The following THEMIS variants were observed in gnomAD, a reference collection of about 807,000 sequenced individuals.
The protein encoded by THEMIS is protein THEMIS.
A neutral mutation model predicts 52.6 loss-of-function variants in THEMIS; 37 were observed. The observed-to-expected ratio is 0.70, with a 90% CI of 0.54 to 0.93. The LOEUF is 0.93. Ranked by LOEUF, THEMIS falls within the 40% of genes least tolerant of loss-of-function variation. The pLI is 0.00. For missense variants in THEMIS, 808 were observed against 763.1 expected (o/e 1.06, Z -0.69); for synonymous variants, 292 against 272.7 (o/e 1.07, Z -0.70).
At chr6:127,758,595 CTT>C (rs1383388355) in intron 4 of THEMIS, among the ~76,000 whole-genome samples, 19 of 151,522 alleles carry the variant, frequency 1.3e-4, no homozygotes, top group African/African-American at 4.6e-4. Context: ...AAAAAAGTGA[CTT>C]AATGTAAGCT....
At chr6:127,897,455 T>G (rs1562328120) in intron 1 of THEMIS, among the ~76,000 whole-genome samples, 2 of 151,282 alleles carry the variant, frequency 1.3e-5, no homozygotes, top group Non-Finnish European at 3.0e-5. Context: ...AACAAAAATG[T>G]ATAAAATTCA....
At chr6:127,847,371 A>G (rs1468781652) in intron 2 of THEMIS, among the ~76,000 whole-genome samples, 1 of 151,996 alleles carries the variant, frequency 6.6e-6, no homozygotes, top group East Asian at 1.9e-4. Flanking sequence ...ATATCATCGT[A>G]CATCTAGAAA....
At chr6:127,768,146 G>C (rs968212310) in intron 4 of THEMIS, among the ~76,000 whole-genome samples, 13 of 152,264 alleles carry the variant, frequency 8.5e-5, no homozygotes, top group Non-Finnish European at 1.8e-4. Context: ...ATTTACATCT[G>C]AGGCTAGATA....
intron 1 of THEMIS, among the ~76,000 whole-genome samples, chr6:127,878,976 C>A (rs1333766): frequency 0.014 from 2,109 of 152,148 alleles, 48 homozygotes; most frequent in African/African-American, 0.047. Context: ...AGAGAAATTT[C>A]TTAACAGCAG....
chr6:127,774,275 C>T (rs906152980), intron 4 of THEMIS, among the ~76,000 whole-genome samples: 2 of 152,176 alleles, frequency 1.3e-5, no homozygotes, highest in Non-Finnish European at 2.9e-5. Context: ...GCGCCATCTC[C>T]GCTCACTGCA....
At chr6:127,856,717 T>G (rs1182907965) in intron 1 of THEMIS, among the ~76,000 whole-genome samples, 3 of 152,012 alleles carry the variant, frequency 2.0e-5, no homozygotes, top group African/African-American at 7.2e-5. Context: ...TCTCATACTA[T>G]TCCCTTAACT....
chr6:127,744,924 T>C (rs1192496904), intron 4 of THEMIS, among the ~76,000 whole-genome samples: 1 of 151,938 alleles, frequency 6.6e-6, no homozygotes, highest in African/African-American at 2.4e-5. Flanking sequence ...TTGATTGAGA[T>C]ATAATTGTAA....
At chr6:127,913,412 T>G (rs1001020602) in intron 1 of THEMIS, among the ~76,000 whole-genome samples, 1 of 152,208 alleles carries the variant, frequency 6.6e-6, no homozygotes, top group African/African-American at 2.4e-5. Context: ...TGGGTCTACT[T>G]TGATTGGATG....
intron 1 of THEMIS, among the ~76,000 whole-genome samples, chr6:127,873,405 CA>C (rs1780214733): frequency 6.6e-6 from 1 of 152,102 alleles, no homozygotes; most frequent in Non-Finnish European, 1.5e-5. Context: ...TATTTAACTA[CA>C]GTAATCAGAA....
intron 4 of THEMIS, among the ~76,000 whole-genome samples, chr6:127,771,564 A>G (rs1193935219): frequency 1.3e-5 from 2 of 152,170 alleles, no homozygotes; most frequent in African/African-American, 4.8e-5. Context: ...ACCAAAACAG[A>G]TATATAGACC....
intron 4 of THEMIS, among the ~76,000 whole-genome samples, chr6:127,742,216 G>A (rs1203769196): frequency 1.3e-5 from 2 of 151,470 alleles, no homozygotes; most frequent in Non-Finnish European, 2.9e-5. Flanking sequence ...TTGGGAGGCT[G>A]AGGCAAGAGA....
rs750716754 is a variant in THEMIS at position 127,709,971 on chromosome 6, TC to T, written c.*13del. 5.7e-6 allele frequency: 9 copies of T among 1,587,486 alleles called. No homozygotes were observed. In the East Asian group the frequency reaches 2.0e-4, roughly 36 times the overall value. On this transcript the variant is annotated 3_prime_UTR_variant, in exon 6 of 6. Transcript: ENST00000368248. ...ATTTATGTTTGCTGCCTAAGTGGCT[TC>T]TGTCACATCTTGTTATTTTTGATGT...
the THEMIS span, among the ~76,000 whole-genome samples, chr6:127,697,025 A>G: frequency 6.6e-6 from 1 of 152,084 alleles, no homozygotes; most frequent in Non-Finnish European, 1.5e-5. Context: ...ATACACGTAC[A>G]TGTATGTGTA....
chr6:127,710,157 C>CA, intron 5 of THEMIS, 141 bp from the exon 6 acceptor site: 1 of 434,502 alleles, frequency 2.3e-6, no homozygotes, highest in Non-Finnish European at 3.9e-6. Context: ...AAAGAGCCAG[C>CA]AAAATAAAGA....
chr6:127,714,729 C>T (rs1774099010), intron 5 of THEMIS, among the ~76,000 whole-genome samples: 1 of 151,848 alleles, frequency 6.6e-6, no homozygotes, highest in Non-Finnish European at 1.5e-5. Context: ...CACTTTCTAC[C>T]ATCCCCCAGC....
At chr6:127,752,944 A>G (rs1432647849) in intron 4 of THEMIS, among the ~76,000 whole-genome samples, 1 of 151,876 alleles carries the variant, frequency 6.6e-6, no homozygotes, top group Admixed American at 6.6e-5. Context: ...ACCGAATTCA[A>G]TAACATATTT....
chr6:127,832,775 A>ATATTTT (rs1251377975), intron 2 of THEMIS, among the ~76,000 whole-genome samples: 1 of 54,064 alleles, frequency 1.8e-5, no homozygotes, highest in Admixed American at 2.2e-4. Context: ...GGATTGTCAG[A>ATATTTT]TCTTTTTTTT....
intron 1 of THEMIS, among the ~76,000 whole-genome samples, chr6:127,888,650 A>T (rs2114460551): frequency 6.6e-6 from 1 of 152,090 alleles, no homozygotes; most frequent in Middle Eastern, 3.4e-3. Flanking sequence ...AAAGCAAAAA[A>T]AAATTAATAT....
At chr6:127,776,292 C>A (rs762613622) in intron 4 of THEMIS, among the ~76,000 whole-genome samples, 1 of 152,152 alleles carries the variant, frequency 6.6e-6, no homozygotes, top group Non-Finnish European at 1.5e-5. Flanking sequence ...TGATTGTAGG[C>A]GGATTTAGTG....
Sources: gnomAD v4.1 joint callset for allele counts (sites outside exome capture counted in the v4.1 genomes callset) on GRCh38, gnomAD v4.1.1 for gene constraint, MANE v1.5 for transcripts, NCBI Gene and HGNC (gene_info 2026-07-23, HGNC 2026-07-21) for gene names.